FSTL5: variants seen among roughly 807,000 people sequenced by gnomAD.
The protein encoded by FSTL5 is follistatin like 5.
In FSTL5, 62 loss-of-function variants were observed where a neutral mutation model predicts 89.1. That is an observed-to-expected ratio of 0.70 (90% CI 0.57 to 0.86). The LOEUF is 0.86. Ranked by LOEUF, FSTL5 falls within the 40% of genes least tolerant of loss-of-function variation. FSTL5 has a pLI of 0.00. For missense variants in FSTL5, 1,057 were observed against 1,001.6 expected, an observed-to-expected ratio of 1.06 and a Z score of -0.75; for synonymous variants, 383 against 346.2, an observed-to-expected ratio of 1.11 and a Z score of -1.18.
intron 7 of FSTL5, among the ~76,000 whole-genome samples, chr4:161,606,654 C>T (rs1734456141): frequency 6.6e-6 from 1 of 152,000 alleles, no homozygotes; most frequent in African/African-American, 2.4e-5. Flanking sequence ...AATTTTGTTT[C>T]GTTTTCTTAA....
chr4:161,722,720 T>C (rs1312124584), intron 6 of FSTL5, among the ~76,000 whole-genome samples: 11 of 152,182 alleles, frequency 7.2e-5, no homozygotes, highest in Non-Finnish European at 1.6e-4. Flanking sequence ...CTTAAATACA[T>C]TGAATTATAT....
At chr4:161,965,393 T>C in intron 3 of FSTL5, among the ~76,000 whole-genome samples, 1 of 152,080 alleles carries the variant, frequency 6.6e-6, no homozygotes, top group East Asian at 1.9e-4. Context: ...CTTGGAAAAG[T>C]AAGTGAAATT....
intron 6 of FSTL5, among the ~76,000 whole-genome samples, chr4:161,702,245 AT>A: frequency 6.6e-6 from 1 of 152,222 alleles, no homozygotes; most frequent in East Asian, 1.9e-4. Flanking sequence ...TTTGAATCAA[AT>A]GAAAGTTAAG....
chr4:161,602,841 C>G (rs1221390867), intron 7 of FSTL5, among the ~76,000 whole-genome samples: 2 of 152,062 alleles, frequency 1.3e-5, no homozygotes, highest in South Asian at 2.1e-4. Context: ...CAGAGAAAAT[C>G]AAATTTTGTT....
intron 6 of FSTL5, among the ~76,000 whole-genome samples, chr4:161,672,721 CAAAAATCTAAAAAAA>C (rs1384139181): frequency 7.0e-6 from 1 of 142,772 alleles, no homozygotes; most frequent in African/African-American, 2.6e-5. Flanking sequence ...AAAAAAAACC[CAAAAATCTAAAAAAA>C]AAAAGTAAGG....
At chr4:161,974,403 G>T (rs1441919661) in intron 3 of FSTL5, among the ~76,000 whole-genome samples, 1 of 146,588 alleles carries the variant, frequency 6.8e-6, no homozygotes, top group Admixed American at 6.9e-5. Flanking sequence ...CCAAAACAGA[G>T]ATATAGATCA....
intron 8 of FSTL5, among the ~76,000 whole-genome samples, chr4:161,558,642 T>A (rs895089622): frequency 6.6e-6 from 1 of 151,818 alleles, no homozygotes. Flanking sequence ...GTATTTAATA[T>A]AGTTCACTGC....
At chr4:161,946,540 C>T (rs952234084) in intron 3 of FSTL5, among the ~76,000 whole-genome samples, 2 of 152,142 alleles carry the variant, frequency 1.3e-5, no homozygotes, top group Non-Finnish European at 2.9e-5. Context: ...TGTCACCTTT[C>T]ATTCAACATC....
chr4:161,672,501 G>T (rs1737151714), intron 6 of FSTL5, among the ~76,000 whole-genome samples: 1 of 151,854 alleles, frequency 6.6e-6, no homozygotes, highest in African/African-American at 2.4e-5. Context: ...GCCAAATTTT[G>T]CATTTCTCCA....
At chr4:162,070,434 C>T (rs1729568443) in intron 2 of FSTL5, among the ~76,000 whole-genome samples, 1 of 151,828 alleles carries the variant, frequency 6.6e-6, no homozygotes, top group East Asian at 1.9e-4. Flanking sequence ...ACAGACCAAT[C>T]TCCTGAAGAA....
intron 5 of FSTL5, among the ~76,000 whole-genome samples, chr4:161,765,420 A>T (rs1740959123): frequency 6.6e-6 from 1 of 152,228 alleles, no homozygotes; most frequent in African/African-American, 2.4e-5. Context: ...GCAAATAAAT[A>T]TGTTGACTAA....
intron 6 of FSTL5, among the ~76,000 whole-genome samples, chr4:161,666,870 G>T (rs1736915961): frequency 6.6e-6 from 1 of 152,020 alleles, no homozygotes; most frequent in Admixed American, 6.6e-5. Flanking sequence ...AGGGCAAAAT[G>T]GTAGTTTCTT....
At chr4:161,902,864 A>G (rs1733411397) in intron 4 of FSTL5, among the ~76,000 whole-genome samples, 2 of 152,148 alleles carry the variant, frequency 1.3e-5, no homozygotes, top group African/African-American at 2.4e-5. Flanking sequence ...AATAACAATA[A>G]TAATAATTTC....
chr4:162,149,389 T>TATTTTTATAAATTGTG (rs1451707038), intron 1 of FSTL5, among the ~76,000 whole-genome samples: 1 of 152,026 alleles, frequency 6.6e-6, no homozygotes, highest in Non-Finnish European at 1.5e-5. Context: ...TTAAAAAATT[T>TATTTTTATAAATTGTG]AGCCAGGTGT....
intron 1 of FSTL5, among the ~76,000 whole-genome samples, chr4:162,119,545 C>T (rs1483214381): frequency 6.6e-6 from 1 of 152,100 alleles, no homozygotes; most frequent in Non-Finnish European, 1.5e-5. Context: ...TAAATTGGGA[C>T]AAAAATTATA....
chr4:161,637,404 T>G (rs1420914737), intron 7 of FSTL5, among the ~76,000 whole-genome samples: 4 of 138,894 alleles, frequency 2.9e-5, no homozygotes, highest in South Asian at 2.4e-4. Flanking sequence ...TTTCTCCCAT[T>G]TTGTAGGTTG....
At chr4:161,854,140 A>C (rs1389232996) in intron 4 of FSTL5, among the ~76,000 whole-genome samples, 1 of 152,202 alleles carries the variant, frequency 6.6e-6, no homozygotes, top group African/African-American at 2.4e-5. Flanking sequence ...AGGACTGGCC[A>C]GGAGGAACAG....
intron 7 of FSTL5, among the ~76,000 whole-genome samples, chr4:161,624,364 A>G (rs1240947924): frequency 2.0e-5 from 3 of 152,038 alleles, no homozygotes; most frequent in Admixed American, 6.6e-5. Context: ...TCCATAGATA[A>G]TAATTTAATT....
At chr4:161,799,326 A>G (rs894609787) in intron 4 of FSTL5, among the ~76,000 whole-genome samples, 1 of 151,702 alleles carries the variant, frequency 6.6e-6, no homozygotes, top group Admixed American at 6.6e-5. Flanking sequence ...GAGTTATGAG[A>G]GATCCAATAA....
Sources: allele counts gnomAD v4.1 joint callset (sites outside exome capture counted in the v4.1 genomes callset), GRCh38; gene constraint gnomAD v4.1.1; transcripts MANE v1.5; gene names NCBI Gene and HGNC (gene_info 2026-07-23, HGNC 2026-07-21).